The following RIMKLB variants were observed in gnomAD, a reference collection of about 807,000 sequenced individuals.
The protein encoded by RIMKLB is beta-citrylglutamate synthase B.
In RIMKLB, 7 loss-of-function variants were observed where a neutral mutation model predicts 32.0. The ratio of observed to expected loss-of-function variants is 0.22; its 90% CI spans 0.12 to 0.41. The LOEUF (loss-of-function observed/expected upper bound fraction) is 0.41. Ranked by LOEUF, RIMKLB falls within the 10% of genes least tolerant of loss-of-function variation. The pLI, the probability that RIMKLB is intolerant of heterozygous loss-of-function variation, is 1.00. For synonymous variants in RIMKLB, 172 were observed against 185.1 expected (o/e 0.93, Z 0.57); for missense variants, 289 against 498.7 (o/e 0.58, Z 4.00).
At chr12:8,729,474 C>T (rs7956188) in intron 2 of RIMKLB, among the ~76,000 whole-genome samples, 3,192 of 152,106 alleles carry the variant, frequency 0.021, 108 homozygotes, top group African/African-American at 0.071. Flanking sequence ...CCATAGTCTC[C>T]GACGTCCAGC....
chr12:8,697,723 A>C (rs1442621176), upstream of RIMKLB: 1 of 263,618 alleles, frequency 3.8e-6, no homozygotes, highest in Admixed American at 3.9e-5. Context: ...TCTTCCCCCG[A>C]GGCCAGCGAT....
intron 5 of RIMKLB, 140 bp downstream of exon 5, chr12:8,754,233 A>G (rs1485634546): frequency 6.3e-6 from 4 of 634,592 alleles, no homozygotes; most frequent in African/African-American, 5.5e-5. Context: ...TGATTTTTAC[A>G]CATGCCATCA....
At chr12:8,744,837 T>A (rs1032348614) in intron 2 of RIMKLB, among the ~76,000 whole-genome samples, 10 of 151,706 alleles carry the variant, frequency 6.6e-5, no homozygotes, top group African/African-American at 1.5e-4. Flanking sequence ...TTGCATTTTT[T>A]AAAATTCTTT....
rs1950772604 is a variant in RIMKLB, at chr12:8,777,166, A to C, written c.*3382A>C. 1.0e-6 allele frequency: 1 copy of C among 979,836 alleles called. No homozygotes were observed. The highest frequency in any genetic ancestry group is 1.2e-6 in the Non-Finnish European group (1 of 827,328). 60.7% of individuals were successfully genotyped at this position (979,836 alleles called of 1,614,324 possible). On this transcript the variant is annotated 3_prime_UTR_variant, in exon 6 of 6. Coordinates refer to ENST00000535829, the MANE Select transcript of RIMKLB (RefSeq NM_001297776.2). ...GTTGTACTAGGATTTTAAAAAATGT[A>C]ATATATTGCAGGATTTATAACCAGG...
At chr12:8,674,574 G>T in the RIMKLB span, among the ~76,000 whole-genome samples, 3 of 151,758 alleles carry the variant, frequency 2.0e-5, no homozygotes, top group Non-Finnish European at 4.4e-5. Flanking sequence ...CAGGGGTCCG[G>T]CGTCTCGCCC....
chr12:8,705,719 G>A (rs772341914), intron 1 of RIMKLB, among the ~76,000 whole-genome samples: 23 of 152,238 alleles, frequency 1.5e-4, no homozygotes, highest in Admixed American at 2.6e-4. Flanking sequence ...TGATTGCGGA[G>A]TTGCTAAGTT....
At chr12:8,699,449 A>T (rs780736631) in intron 1 of RIMKLB, among the ~76,000 whole-genome samples, 2 of 152,300 alleles carry the variant, frequency 1.3e-5, no homozygotes, top group Non-Finnish European at 2.9e-5. Context: ...TACTTTTAAG[A>T]TATTCATTTG....
At chr12:8,670,047 A>AAAAT in the RIMKLB span, among the ~76,000 whole-genome samples, 1 of 151,008 alleles carries the variant, frequency 6.6e-6, no homozygotes, top group African/African-American at 2.4e-5. Context: ...AAAAAAAAAA[A>AAAAT]AAAAGAAGGA....
intron 1 of RIMKLB, among the ~76,000 whole-genome samples, chr12:8,686,683 C>T (rs893439288): frequency 1.3e-5 from 2 of 151,922 alleles, no homozygotes; most frequent in African/African-American, 4.8e-5. Context: ...GGGGTTTCAC[C>T]GTGTTATCCA....
At chr12:8,678,075 C>T (rs1232011339), upstream of RIMKLB, among the ~76,000 whole-genome samples, 1 of 151,764 alleles carries the variant, frequency 6.6e-6, no homozygotes, top group African/African-American at 2.4e-5. Context: ...AACCACCATG[C>T]TCACAAACCC....
the RIMKLB span, among the ~76,000 whole-genome samples, chr12:8,673,840 G>A: frequency 4.6e-5 from 7 of 151,858 alleles, no homozygotes; most frequent in African/African-American, 1.2e-4. Context: ...CAGGTGATCC[G>A]CCCGCTTTGG....
upstream of RIMKLB, among the ~76,000 whole-genome samples, chr12:8,678,336 CTT>C (rs1178690195): frequency 6.9e-6 from 1 of 144,070 alleles, no homozygotes; most frequent in African/African-American, 2.5e-5. Flanking sequence ...TTTTTCTTTT[CTT>C]TTTTTTTTTG....
At chr12:8,744,476 A>G (rs1170185548) in intron 2 of RIMKLB, among the ~76,000 whole-genome samples, 1 of 151,848 alleles carries the variant, frequency 6.6e-6, no homozygotes, top group African/African-American at 2.4e-5. Context: ...GCATAATGAC[A>G]AGGTAATAAT....
rs1950035185 is a variant in RIMKLB at position 8,767,120 on chromosome 12, A to T, written c.698-6201A>T. 2.0e-5 allele frequency among the ~76,000 whole-genome samples: 3 copies of T among 152,260 alleles called. No individual in the cohort carries two copies. In the South Asian group the frequency reaches 6.2e-4, roughly 31 times the overall value. On this transcript the variant is annotated intron_variant, in intron 5 of 5. Transcript: ENST00000535829. ...GGTAGTATTGGAGTGTTACAGGGTC[A>T]CGGAGAAGACCTTCCATTATCAATT... is the stretch of plus-strand genomic sequence containing the variant.
Position 8,752,054 on chromosome 12 carries a change from G to A in RIMKLB, c.493+11G>A, listed in dbSNP as rs1312722622. 6.5e-7 allele frequency: 1 copy of A among 1,540,366 alleles called. No homozygotes were observed. Among genetic ancestry groups the A allele is most frequent in the Admixed American group, 1.7e-5 (1 of 59,538 alleles). On this transcript the variant is annotated intron_variant, in intron 4 of 5. Coordinates refer to ENST00000535829, the MANE Select transcript of RIMKLB (RefSeq NM_001297776.2). ...CGCGGGGTCACAGAGGTATGTATGAGTTGTTGGTAAGGTATATAGTTTTGA... is the reference window on the plus strand; with the variant it reads ...CGCGGGGTCACAGAGGTATGTATGAATTGTTGGTAAGGTATATAGTTTTGA...
At chr12:8,771,835 T>G (rs764138254) in intron 5 of RIMKLB, among the ~76,000 whole-genome samples, 1 of 152,318 alleles carries the variant, frequency 6.6e-6, no homozygotes, top group African/African-American at 2.4e-5. Context: ...GTTTCTGTCC[T>G]TCTGAGGAAT....
chr12:8,763,752 G>A (rs1461922231), intron 5 of RIMKLB, among the ~76,000 whole-genome samples: 9 of 152,316 alleles, frequency 5.9e-5, no homozygotes, highest in Non-Finnish European at 7.4e-5. Context: ...TCCACGTACC[G>A]AAGGACAAGA....
Position 8,775,837 on chromosome 12 carries a change from C to G in RIMKLB, c.*2053C>G. ...AGTTTGTAATTTATCTTAGGATATT[C>G]TAATTGCATTTAAAAGAACTTATCT... On this transcript the variant is annotated 3_prime_UTR_variant, in exon 6 of 6. Coordinates refer to ENST00000535829, the MANE Select transcript of RIMKLB (RefSeq NM_001297776.2). 1.0e-6 allele frequency: 1 copy of G among 984,752 alleles called. No individual in the cohort carries two copies. Among genetic ancestry groups the G allele is most frequent in the Non-Finnish European group, 1.2e-6 (1 of 829,296 alleles). 61.0% of individuals were successfully genotyped at this position (984,752 alleles called of 1,614,324 possible). A position where few individuals can be genotyped will look rare whatever the true frequency, so the allele number is the denominator to read the frequency against.
chr12:8,710,965 CAAAAAAAAAA>C (rs748394546), intron 1 of RIMKLB, among the ~76,000 whole-genome samples: 12 of 65,768 alleles, frequency 1.8e-4, no homozygotes, highest in Non-Finnish European at 2.2e-4. Flanking sequence ...ACATCTTTAC[CAAAAAAAAAA>C]AAAAAAAAAA....
Sources: allele counts gnomAD v4.1 joint callset (sites outside exome capture counted in the v4.1 genomes callset), GRCh38; gene constraint gnomAD v4.1.1; transcripts MANE v1.5; gene names NCBI Gene and HGNC (gene_info 2026-07-23, HGNC 2026-07-21).